ZMAT4: variants seen among roughly 807,000 people sequenced by gnomAD.
ZMAT4 encodes zinc finger matrin-type 4.
Under a neutral mutation model 28.7 loss-of-function variants are expected in ZMAT4, and 17 were observed. That is an observed-to-expected ratio of 0.59 (90% CI 0.41 to 0.89). The LOEUF (loss-of-function observed/expected upper bound fraction) is 0.89. Ranked by LOEUF, ZMAT4 falls within the 40% of genes least tolerant of loss-of-function variation. ZMAT4 has a pLI of 0.00. For missense variants in ZMAT4, 240 were observed against 283.8 expected, an observed-to-expected ratio of 0.85 and a Z score of 1.11; for synonymous variants, 117 against 109.2, an observed-to-expected ratio of 1.07 and a Z score of -0.44.
intron 1 of ZMAT4, among the ~76,000 whole-genome samples, chr8:40,874,832 G>C (rs1020933303): frequency 1.3e-5 from 2 of 152,126 alleles, no homozygotes; most frequent in Admixed American, 1.3e-4. Context: ...GCGTGGTTTC[G>C]GACATGGCTT....
chr8:40,590,022 T>TTCCC (rs1804836483), intron 5 of ZMAT4, among the ~76,000 whole-genome samples: 1 of 125,690 alleles, frequency 8.0e-6, no homozygotes, highest in African/African-American at 2.9e-5. Context: ...CCTTCCTTCC[T>TTCCC]TCCCTCCCTT....
chr8:40,598,004 C>T (rs1805158911), intron 5 of ZMAT4, among the ~76,000 whole-genome samples: 1 of 152,066 alleles, frequency 6.6e-6, no homozygotes, highest in East Asian at 1.9e-4. Context: ...TATGCCTTTT[C>T]CAAAAGGGGA....
chr8:40,777,432 G>A (rs1291767958), intron 2 of ZMAT4, among the ~76,000 whole-genome samples: 2 of 152,172 alleles, frequency 1.3e-5, no homozygotes, highest in Admixed American at 6.5e-5. Flanking sequence ...TCGATCTGGT[G>A]GGAGATTCTC....
intron 1 of ZMAT4, among the ~76,000 whole-genome samples, chr8:40,852,760 G>T (rs944933173): frequency 2.6e-5 from 4 of 152,146 alleles, no homozygotes; most frequent in African/African-American, 9.7e-5. Context: ...TGGTAAAACT[G>T]TTCAGAGTTA....
intron 6 of ZMAT4, among the ~76,000 whole-genome samples, chr8:40,543,605 T>A (rs1216901855): frequency 6.6e-6 from 1 of 152,174 alleles, no homozygotes; most frequent in Non-Finnish European, 1.5e-5. Context: ...CTAGAGCAGA[T>A]GACTTCACCT....
At chr8:40,648,949 G>C (rs1163124568) in intron 5 of ZMAT4, among the ~76,000 whole-genome samples, 4 of 141,806 alleles carry the variant, frequency 2.8e-5, no homozygotes, top group African/African-American at 1.0e-4. Flanking sequence ...AGGAACAACC[G>C]GTACCAGCTG....
At chr8:40,718,370 A>G (rs1032229604) in intron 3 of ZMAT4, among the ~76,000 whole-genome samples, 3 of 152,212 alleles carry the variant, frequency 2.0e-5, no homozygotes, top group African/African-American at 7.2e-5. Flanking sequence ...GGCCCAAATG[A>G]ACTGGACAAT....
At chr8:40,896,689 G>A (rs79868815) in intron 1 of ZMAT4, among the ~76,000 whole-genome samples, 2 of 152,146 alleles carry the variant, frequency 1.3e-5, no homozygotes, top group East Asian at 3.9e-4. Flanking sequence ...GATTTAGAAT[G>A]CTCAAGGGTG....
At chr8:40,731,857 T>A (rs1276160639) in intron 3 of ZMAT4, among the ~76,000 whole-genome samples, 6 of 152,208 alleles carry the variant, frequency 3.9e-5, no homozygotes, top group Non-Finnish European at 8.8e-5. Flanking sequence ...AAACAAAATG[T>A]GATGTATACA....
At chr8:40,888,147 G>T (rs1193344147) in intron 1 of ZMAT4, among the ~76,000 whole-genome samples, 1 of 152,142 alleles carries the variant, frequency 6.6e-6, no homozygotes, top group Admixed American at 6.5e-5. Flanking sequence ...AACTCCTTCA[G>T]CATAGGCCAG....
intron 6 of ZMAT4, among the ~76,000 whole-genome samples, chr8:40,542,012 G>A (rs1443672353): frequency 6.6e-6 from 1 of 152,216 alleles, no homozygotes; most frequent in Non-Finnish European, 1.5e-5. Flanking sequence ...GGATGGAGAG[G>A]CAGAGCAGCA....
At chr8:40,588,388 C>A (rs990584842) in intron 5 of ZMAT4, among the ~76,000 whole-genome samples, 1 of 151,960 alleles carries the variant, frequency 6.6e-6, no homozygotes, top group Admixed American at 6.6e-5. Context: ...TGATACAGAA[C>A]TTGTATCCAG....
chr8:40,563,801 G>A (rs983888683), intron 6 of ZMAT4, among the ~76,000 whole-genome samples: 3 of 152,068 alleles, frequency 2.0e-5, no homozygotes, highest in African/African-American at 7.2e-5. Context: ...CAGTGGCTCT[G>A]TCCTTAAAGG....
chr8:40,811,537 C>T (rs1815316760), intron 2 of ZMAT4, among the ~76,000 whole-genome samples: 1 of 152,198 alleles, frequency 6.6e-6, no homozygotes, highest in African/African-American at 2.4e-5. Context: ...AAGCTGGAGT[C>T]ACTTTTGTCT....
chr8:40,807,063 G>T (rs1349217028), intron 2 of ZMAT4, among the ~76,000 whole-genome samples: 1 of 149,644 alleles, frequency 6.7e-6, no homozygotes, highest in Admixed American at 6.8e-5. Context: ...GAAGGAACTT[G>T]CAGTTTCCCA....
At chr8:40,626,273 A>C (rs976784377) in intron 5 of ZMAT4, among the ~76,000 whole-genome samples, 2 of 152,122 alleles carry the variant, frequency 1.3e-5, no homozygotes, top group Non-Finnish European at 2.9e-5. Context: ...GGTGCCCCGG[A>C]AGTGCAGCTA....
At chr8:40,717,624 G>A (rs1341077015) in intron 3 of ZMAT4, among the ~76,000 whole-genome samples, 1 of 152,056 alleles carries the variant, frequency 6.6e-6, no homozygotes, top group Non-Finnish European at 1.5e-5. Flanking sequence ...TTATACCACT[G>A]CACTCCAGCC....
chr8:40,676,095 T>G (rs968119475), intron 4 of ZMAT4, among the ~76,000 whole-genome samples: 3 of 152,206 alleles, frequency 2.0e-5, no homozygotes, highest in Non-Finnish European at 4.4e-5. Context: ...GGACTATGAC[T>G]TGGCCTTTTA....
At chr8:40,666,219 C>T (rs559334977) in intron 5 of ZMAT4, among the ~76,000 whole-genome samples, 15 of 152,242 alleles carry the variant, frequency 9.9e-5, no homozygotes, top group East Asian at 1.9e-4. Flanking sequence ...TTCAGACCAT[C>T]GAAATTTATA....
Sources: allele counts gnomAD v4.1 joint callset (sites outside exome capture counted in the v4.1 genomes callset), GRCh38; gene constraint gnomAD v4.1.1; transcripts MANE v1.5; gene names NCBI Gene and HGNC (gene_info 2026-07-23, HGNC 2026-07-21).